The following TEF variants were observed in gnomAD, a reference collection of about 807,000 sequenced individuals.
The protein encoded by TEF is TEF transcription factor, PAR bZIP family member.
A neutral mutation model predicts 20.8 loss-of-function variants in TEF; 3 were observed. The ratio of observed to expected loss-of-function variants is 0.14; its 90% CI spans 0.07 to 0.37. The LOEUF (loss-of-function observed/expected upper bound fraction) is 0.37, where lower values mean the gene tolerates loss of function less well. Ranked by LOEUF, TEF falls within the 10% of genes least tolerant of loss-of-function variation. The pLI, the probability that TEF is intolerant of heterozygous loss-of-function variation, is 1.00. For missense variants in TEF, 296 were observed against 397.9 expected (o/e 0.74, Z 2.18); for synonymous variants, 180 against 171.1 (o/e 1.05, Z -0.41).
chr22:41,396,073 G>A lies in TEF; in HGVS notation c.*113G>A. On this transcript the variant is annotated 3_prime_UTR_variant, in exon 4 of 4. Coordinates refer to ENST00000266304, the MANE Select transcript of TEF (RefSeq NM_003216.4). Reference sequence around the variant, plus strand: ...TATGACTCGTCGTGGGCGCATGGCGGCGCACCTGCTGCAGGAGCGGCCACG... The same window carrying A: ...TATGACTCGTCGTGGGCGCATGGCGACGCACCTGCTGCAGGAGCGGCCACG... 2 of 1,201,510 alleles carry A rather than the reference G, an allele frequency of 1.7e-6. No homozygotes were observed. The highest frequency in any genetic ancestry group is 1.2e-6 in the Non-Finnish European group (1 of 863,256). 74.4% of individuals were successfully genotyped at this position (1,201,510 alleles called of 1,614,324 possible).
intron 1 of TEF, among the ~76,000 whole-genome samples, chr22:41,368,535 C>G (rs1369142318): frequency 6.6e-6 from 1 of 152,176 alleles, no homozygotes; most frequent in African/African-American, 2.4e-5. Flanking sequence ...CAAACCAGAG[C>G]CAGGAGACAG....
At chr22:41,382,311 G>A in intron 1 of TEF, 110 bp downstream of exon 1, 2 of 961,010 alleles carry the variant, frequency 2.1e-6, no homozygotes, top group Non-Finnish European at 2.7e-6. Flanking sequence ...GTGGTCCAGC[G>A]GAGGGGGATG....
At chr22:41,382,350 C>A in intron 1 of TEF, 149 bp downstream of exon 1, 1 of 676,282 alleles carries the variant, frequency 1.5e-6, no homozygotes, top group Non-Finnish European at 2.0e-6. Context: ...GCCTGGAGGA[C>A]GAGGCCGGGG....
intron 1 of TEF, among the ~76,000 whole-genome samples, chr22:41,371,819 C>T (rs887052929): frequency 4.6e-5 from 7 of 152,190 alleles, no homozygotes; most frequent in African/African-American, 1.7e-4. Context: ...TGCCATCTGC[C>T]CTGCACCCAA....
At chr22:41,388,517 G>A (rs1383984490) in intron 2 of TEF, among the ~76,000 whole-genome samples, 1 of 150,542 alleles carries the variant, frequency 6.6e-6, no homozygotes, top group Non-Finnish European at 1.5e-5. Context: ...CAGGGCATAA[G>A]CACTATTCAA....
intron 2 of TEF, 30 bp downstream of exon 2, chr22:41,387,698 C>G (rs1421515494): frequency 3.2e-6 from 5 of 1,577,574 alleles, no homozygotes; most frequent in African/African-American, 1.3e-5. Flanking sequence ...GGAGGGCCAC[C>G]TGTCCCATCC....
chr22:41,379,017 T>C (rs1437341800), upstream of TEF, among the ~76,000 whole-genome samples: 1 of 152,214 alleles, frequency 6.6e-6, no homozygotes, highest in Admixed American at 6.5e-5. Flanking sequence ...GGTTTGCAAC[T>C]GTGCGCCTAC....
At chr22:41,380,503 G>A (rs1376938145), upstream of TEF, among the ~76,000 whole-genome samples, 1 of 152,120 alleles carries the variant, frequency 6.6e-6, no homozygotes, top group African/African-American at 2.4e-5. Context: ...GCTGGCTGTG[G>A]GTGTCTGGAT....
chr22:41,394,028 G>A, intron 2 of TEF, 68 bp from the exon 3 acceptor site: 4 of 1,446,446 alleles, frequency 2.8e-6, no homozygotes, highest in Non-Finnish European at 2.9e-6. Flanking sequence ...CCAGGTGTCT[G>A]GGTGTGTGGC....
intron 1 of TEF, among the ~76,000 whole-genome samples, chr22:41,376,071 T>C (rs771957125): frequency 6.6e-6 from 1 of 152,128 alleles, no homozygotes; most frequent in African/African-American, 2.4e-5. Flanking sequence ...GCGGAATATA[T>C]GGCCAAAGAG....
intron 2 of TEF, among the ~76,000 whole-genome samples, chr22:41,391,952 A>G (rs2037172593): frequency 6.6e-6 from 1 of 152,056 alleles, no homozygotes; most frequent in South Asian, 2.1e-4. Flanking sequence ...GTTTGTATTT[A>G]TCTTGTGTAA....
rs1364238185 is a variant in TEF at position 41,397,561 on chromosome 22, G to A, written c.*1601G>A. On this transcript the variant is annotated 3_prime_UTR_variant, in exon 4 of 4. Transcript: ENST00000266304. ...TAACAGACGTTAAGACCAAGCCGTG[G>A]ACCTCACCCCAGGGGAATGCCACGG... 2 of 153,558 alleles carry A rather than the reference G, an allele frequency of 1.3e-5. No individual in the cohort carries two copies. The highest frequency in any genetic ancestry group is 6.5e-5 in the Admixed American group (1 of 15,298). The allele number at this position is 153,558 out of a possible 1,614,324, so 9.5% of individuals were successfully genotyped here.
chr22:41,387,773 G>T, intron 2 of TEF, 105 bp downstream of exon 2: 1 of 1,204,112 alleles, frequency 8.3e-7, no homozygotes, highest in Non-Finnish European at 1.2e-6. Context: ...CTTCTCTGAG[G>T]GGAGGTCCTG....
At chr22:41,391,257 T>C (rs562554763) in intron 2 of TEF, among the ~76,000 whole-genome samples, 96 of 152,252 alleles carry the variant, frequency 6.3e-4, no homozygotes, top group African/African-American at 2.1e-3. Context: ...AGCAGCACCA[T>C]TGACATTTAG....
chr22:41,391,331 CT>C (rs566421536), intron 2 of TEF, among the ~76,000 whole-genome samples: 285 of 142,092 alleles, frequency 2.0e-3, no homozygotes, highest in Middle Eastern at 3.6e-3. Context: ...ATCTTCTTTT[CT>C]TTTTTTTTTT....
At chr22:41,382,391 A>C (rs1052901171) in intron 1 of TEF, among the ~76,000 whole-genome samples, 190 bp downstream of exon 1, 1 of 150,840 alleles carries the variant, frequency 6.6e-6, no homozygotes, top group Non-Finnish European at 1.5e-5. Context: ...GGGCGGGCTG[A>C]GACGGTGGGT....
chr22:41,385,736 G>T (rs1378242231), intron 1 of TEF, among the ~76,000 whole-genome samples: 1 of 152,086 alleles, frequency 6.6e-6, no homozygotes, highest in East Asian at 1.9e-4. Flanking sequence ...CAGACTTGGG[G>T]TACAGTGGCA....
At chr22:41,378,069 G>A (rs1481399619), upstream of TEF, among the ~76,000 whole-genome samples, 1 of 151,502 alleles carries the variant, frequency 6.6e-6, no homozygotes, top group African/African-American at 2.4e-5. Context: ...CAGCAATAAT[G>A]TCGTATTAGC....
In TEF at chr22:41,381,960, G is replaced by C. The variant is rs1397183955; in HGVS notation, c.-85G>C. 2 of 1,227,654 alleles carry C rather than the reference G, an allele frequency of 1.6e-6. No homozygotes were observed. The highest frequency in any genetic ancestry group is 4.2e-5 in the South Asian group (1 of 24,028). The allele number at this position is 1,227,654 out of a possible 1,614,324, so 76.0% of individuals were successfully genotyped here. A position where few individuals can be genotyped will look rare whatever the true frequency, so the allele number is the denominator to read the frequency against. On this transcript the variant is annotated 5_prime_UTR_variant, in exon 1 of 4. Coordinates refer to ENST00000266304, the MANE Select transcript of TEF (RefSeq NM_003216.4). ...CGCCTGCGCAGTAGCTGCCCGTGTC[G>C]GCAGCTGCAGCGGGTCGCACGGCTC... is the stretch of plus-strand genomic sequence containing the variant.
Sources: gnomAD v4.1 joint callset for allele counts (sites outside exome capture counted in the v4.1 genomes callset) on GRCh38, gnomAD v4.1.1 for gene constraint, MANE v1.5 for transcripts, NCBI Gene and HGNC (gene_info 2026-07-23, HGNC 2026-07-21) for gene names.